BCKDHB: variants seen among roughly 807,000 people sequenced by gnomAD.
The protein encoded by BCKDHB is branched chain keto acid dehydrogenase E1 subunit beta.
In BCKDHB, 41 loss-of-function variants were observed where a neutral mutation model predicts 48.5. That is an observed-to-expected ratio of 0.85 (90% CI 0.66 to 1.10). BCKDHB has a LOEUF of 1.10. Ranked by LOEUF, BCKDHB falls within the 50% of genes least tolerant of loss-of-function variation. The probability of loss-of-function intolerance (pLI) is 0.00; values close to 1 mark genes in which losing one functional copy is unlikely to be tolerated. For synonymous variants in BCKDHB, 201 were observed against 174.8 expected (o/e 1.15, Z -1.18); for missense variants, 496 against 494.2 (o/e 1.00, Z -0.03).
At chr6:80,419,476 TC>T in the BCKDHB span, among the ~76,000 whole-genome samples, 1 of 152,150 alleles carries the variant, frequency 6.6e-6, no homozygotes, top group African/African-American at 2.4e-5. Flanking sequence ...AGAGTTCAGG[TC>T]TGGAAGTTTT....
chr6:80,283,279 CT>C (rs1766452903), intron 9 of BCKDHB, among the ~76,000 whole-genome samples: 1 of 152,032 alleles, frequency 6.6e-6, no homozygotes, highest in Non-Finnish European at 1.5e-5. Flanking sequence ...TTTTCCATCC[CT>C]CTTTTTGGTA....
At chr6:80,206,770 A>G (rs1301353124) in intron 8 of BCKDHB, among the ~76,000 whole-genome samples, 1 of 152,050 alleles carries the variant, frequency 6.6e-6, no homozygotes, top group African/African-American at 2.4e-5. Flanking sequence ...GGATCTGGTC[A>G]AAAGATCTGT....
At position 80,148,533 on chromosome 6, in the gene BCKDHB, C is replaced by T. The variant is rs148357010; in HGVS notation, c.344-19145C>T. 1.7e-3 allele frequency among the ~76,000 whole-genome samples: 263 copies of T among 152,178 alleles called. 1 individual carries two copies. The highest frequency in any genetic ancestry group is 6.0e-3 in the African/African-American group (249 of 41,526). ...ATTGCCACTATCATAGTTCATGCTC[C>T]CAGTACTTTTGATCTGAATGATTAT... is the stretch of plus-strand genomic sequence containing the variant. On this transcript the variant is annotated intron_variant, in intron 3 of 9. Coordinates refer to ENST00000320393, the MANE Select transcript of BCKDHB (RefSeq NM_183050.4).
At chr6:80,192,287 C>T (rs941633219) in intron 6 of BCKDHB, among the ~76,000 whole-genome samples, 5 of 151,618 alleles carry the variant, frequency 3.3e-5, no homozygotes, top group Middle Eastern at 6.8e-3. Context: ...TATTTTTTCC[C>T]TTTTAAACTC....
At chr6:80,461,146 C>T in the BCKDHB span, among the ~76,000 whole-genome samples, 1 of 152,096 alleles carries the variant, frequency 6.6e-6, no homozygotes, top group Admixed American at 6.6e-5. Flanking sequence ...TTTCCAACAC[C>T]TCACTAGATT....
At chr6:80,289,211 A>G (rs1766785550) in intron 9 of BCKDHB, among the ~76,000 whole-genome samples, 1 of 152,178 alleles carries the variant, frequency 6.6e-6, no homozygotes, top group African/African-American at 2.4e-5. Context: ...ATGGTTGCAT[A>G]TAAAATTTCA....
At chr6:80,110,088 G>C (rs760725537) in intron 1 of BCKDHB, among the ~76,000 whole-genome samples, 1 of 152,204 alleles carries the variant, frequency 6.6e-6, no homozygotes, top group Non-Finnish European at 1.5e-5. Context: ...TGCTTAAAAG[G>C]AGGTAGTCAG....
chr6:80,153,005 C>T lies in BCKDHB; in HGVS notation c.344-14673C>T, dbSNP rs139376153. ...AAGCAGTGCTTGGAGGGCTTTGGGC[C>T]CCCTTGGTTGGGTTCAATCCTTGAC... On this transcript the variant is annotated intron_variant, in intron 3 of 9. Transcript: ENST00000320393. Among the ~76,000 whole-genome samples, 264 of 152,206 alleles carry T rather than the reference C, an allele frequency of 1.7e-3. 1 individual carries two copies. Among genetic ancestry groups the T allele is most frequent in the African/African-American group, 6.0e-3 (250 of 41,522 alleles).
chr6:80,262,281 G>A (rs1462610033), intron 8 of BCKDHB, among the ~76,000 whole-genome samples: 2 of 152,086 alleles, frequency 1.3e-5, no homozygotes, highest in Non-Finnish European at 2.9e-5. Flanking sequence ...GACCAAATAT[G>A]GTATTTGGGT....
At chr6:80,241,195 A>G (rs1488659373) in intron 8 of BCKDHB, among the ~76,000 whole-genome samples, 1 of 152,100 alleles carries the variant, frequency 6.6e-6, no homozygotes, top group Non-Finnish European at 1.5e-5. Context: ...GGATTCGAAC[A>G]TCCTCCTTTA....
chr6:80,394,702 C>G, the BCKDHB span, among the ~76,000 whole-genome samples: 11 of 152,158 alleles, frequency 7.2e-5, no homozygotes, highest in Admixed American at 3.3e-4. Flanking sequence ...CTGTCAGTAG[C>G]TACAGGTCTG....
intron 3 of BCKDHB, among the ~76,000 whole-genome samples, chr6:80,139,862 G>T (rs1223070345): frequency 6.6e-6 from 1 of 152,132 alleles, no homozygotes; most frequent in Non-Finnish European, 1.5e-5. Context: ...TAGCTTGATG[G>T]GGATGGCATT....
chr6:80,253,893 A>G (rs1284217657), intron 8 of BCKDHB, among the ~76,000 whole-genome samples: 2 of 151,916 alleles, frequency 1.3e-5, no homozygotes, highest in Admixed American at 1.3e-4. Context: ...TGTATTTTAA[A>G]TAAGTTATTA....
At chr6:80,367,767 G>A in the BCKDHB span, among the ~76,000 whole-genome samples, 1 of 152,180 alleles carries the variant, frequency 6.6e-6, no homozygotes, top group Non-Finnish European at 1.5e-5. Context: ...GAACTCCCAT[G>A]CATTGTGAGT....
chr6:80,415,696 C>T, the BCKDHB span, among the ~76,000 whole-genome samples: 1 of 152,086 alleles, frequency 6.6e-6, no homozygotes, highest in Non-Finnish European at 1.5e-5. Context: ...AGGATTTTTG[C>T]ATCAATGTTC....
At chr6:80,209,377 A>C (rs1420328296) in intron 8 of BCKDHB, among the ~76,000 whole-genome samples, 2 of 151,934 alleles carry the variant, frequency 1.3e-5, no homozygotes, top group Admixed American at 1.3e-4. Flanking sequence ...TGTAAGGCCA[A>C]GAAGAGCCAG....
At chr6:80,362,693 G>C in the BCKDHB span, among the ~76,000 whole-genome samples, 2 of 152,260 alleles carry the variant, frequency 1.3e-5, no homozygotes, top group East Asian at 3.9e-4. Flanking sequence ...CTGCAAAAGA[G>C]CAGAAAAAAA....
chr6:80,106,921 TGCA>T (rs1275585761), intron 1 of BCKDHB, 32 bp downstream of exon 1: 1 of 1,579,270 alleles, frequency 6.3e-7, no homozygotes, highest in African/African-American at 1.3e-5. Flanking sequence ...TCGGTCCCGC[TGCA>T]GCCCGGACTC....
chr6:80,406,225 T>C, the BCKDHB span, among the ~76,000 whole-genome samples: 19 of 152,252 alleles, frequency 1.2e-4, no homozygotes, highest in African/African-American at 4.6e-4. Flanking sequence ...CAGTCTATCA[T>C]TGATGGACAT....
Sources: allele counts gnomAD v4.1 joint callset (sites outside exome capture counted in the v4.1 genomes callset), GRCh38; gene constraint gnomAD v4.1.1; transcripts MANE v1.5; gene names NCBI Gene and HGNC (gene_info 2026-07-23, HGNC 2026-07-21).